Variants in CTNNA3 observed in about 807,000 individuals in gnomAD.
CTNNA3 encodes catenin alpha-3.
In CTNNA3, 76 loss-of-function variants were observed where a neutral mutation model predicts 95.7. The observed-to-expected ratio is 0.79, with a 90% CI of 0.66 to 0.96. CTNNA3 has a LOEUF of 0.96. Ranked by LOEUF, CTNNA3 falls within the 40% of genes least tolerant of loss-of-function variation. CTNNA3 has a pLI of 0.00. For synonymous variants in CTNNA3, 431 were observed against 374.4 expected (o/e 1.15, Z -1.74); for missense variants, 1,191 against 1,089.8 (o/e 1.09, Z -1.31).
At chr10:66,716,696 C>A (rs557053789) in intron 9 of CTNNA3, among the ~76,000 whole-genome samples, 2 of 152,250 alleles carry the variant, frequency 1.3e-5, no homozygotes, top group African/African-American at 2.4e-5. Context: ...TTTCCTGGAT[C>A]TAAGCATGGC....
At chr10:67,070,460 T>C (rs1228173533) in intron 7 of CTNNA3, among the ~76,000 whole-genome samples, 4 of 152,132 alleles carry the variant, frequency 2.6e-5, no homozygotes, top group Non-Finnish European at 5.9e-5. Flanking sequence ...GATTAAGAAA[T>C]CCTTGTGGCG....
At chr10:66,058,164 G>T (rs1307798636) in intron 15 of CTNNA3, among the ~76,000 whole-genome samples, 1 of 152,034 alleles carries the variant, frequency 6.6e-6, no homozygotes, top group Non-Finnish European at 1.5e-5. Flanking sequence ...CTTATTTAAT[G>T]AACAAAAAGA....
At chr10:66,045,404 C>T (rs895167094) in intron 15 of CTNNA3, among the ~76,000 whole-genome samples, 1 of 152,190 alleles carries the variant, frequency 6.6e-6, no homozygotes, top group Non-Finnish European at 1.5e-5. Context: ...AGACTACATC[C>T]TCTGCCCCTT....
At chr10:66,135,300 A>G (rs775255729) in intron 13 of CTNNA3, among the ~76,000 whole-genome samples, 1 of 152,162 alleles carries the variant, frequency 6.6e-6, no homozygotes, top group African/African-American at 2.4e-5. Flanking sequence ...TGAACGTTGA[A>G]TATTTTGTTG....
At chr10:66,876,218 A>G (rs1367665842) in intron 7 of CTNNA3, among the ~76,000 whole-genome samples, 1 of 152,156 alleles carries the variant, frequency 6.6e-6, no homozygotes, top group Non-Finnish European at 1.5e-5. Context: ...CGCTCTGAAA[A>G]CTTGTCGGAA....
rs946542182 is a variant in CTNNA3 at position 67,149,806 on chromosome 10, C to T, written c.1047+30511G>A. The stretch of plus-strand genomic sequence containing the variant: ...CAATATTCAAAGAATGCAGCTCCTG[C>T]GCCGATCAAACTCTCTTAGTCCAAT... On this transcript the variant is annotated intron_variant, in intron 7 of 17. Coordinates refer to ENST00000433211, the MANE Select transcript of CTNNA3 (RefSeq NM_013266.4). 7.5e-4 allele frequency among the ~76,000 whole-genome samples: 114 copies of T among 152,264 alleles called. 1 individual carries two copies. The highest frequency in any genetic ancestry group is 2.5e-3 in the African/African-American group (105 of 41,534).
intron 6 of CTNNA3, among the ~76,000 whole-genome samples, chr10:67,191,576 C>T (rs1381416774): frequency 1.3e-5 from 2 of 151,662 alleles, no homozygotes; most frequent in Non-Finnish European, 3.0e-5. Flanking sequence ...TTAAAAATTA[C>T]AAGGCATTGA....
intron 5 of CTNNA3, among the ~76,000 whole-genome samples, chr10:67,244,519 A>G (rs1865836530): frequency 6.6e-6 from 1 of 152,220 alleles, no homozygotes; most frequent in Non-Finnish European, 1.5e-5. Context: ...TTCAACAAGT[A>G]TTTATATAGT....
At chr10:67,335,158 C>G (rs1841948481) in intron 5 of CTNNA3, among the ~76,000 whole-genome samples, 1 of 152,050 alleles carries the variant, frequency 6.6e-6, no homozygotes, top group Non-Finnish European at 1.5e-5. Flanking sequence ...CCAGTTTCCT[C>G]CCGTATCCCA....
At chr10:67,555,874 T>C (rs1014757275) in intron 3 of CTNNA3, among the ~76,000 whole-genome samples, 4 of 152,230 alleles carry the variant, frequency 2.6e-5, no homozygotes, top group African/African-American at 7.2e-5. Context: ...CCATTCAGTA[T>C]GATATTGGCT....
chr10:66,239,356 G>C (rs1034914237), intron 13 of CTNNA3, among the ~76,000 whole-genome samples: 2 of 151,710 alleles, frequency 1.3e-5, no homozygotes, highest in Admixed American at 1.3e-4. Flanking sequence ...ATTGAAAAAA[G>C]CTAAGGTATG....
intron 14 of CTNNA3, among the ~76,000 whole-genome samples, chr10:66,102,255 C>T (rs2133740988): frequency 6.6e-6 from 1 of 152,214 alleles, no homozygotes; most frequent in African/African-American, 2.4e-5. Context: ...GATAATCCTA[C>T]TATTGTTGCT....
intron 13 of CTNNA3, among the ~76,000 whole-genome samples, chr10:66,254,055 T>A (rs2090663370): frequency 6.6e-6 from 1 of 152,196 alleles, no homozygotes; most frequent in South Asian, 2.1e-4. Flanking sequence ...AGATGCCTTC[T>A]CTGCTTTCCC....
chr10:67,529,210 GA>G (rs1405150513), intron 4 of CTNNA3, among the ~76,000 whole-genome samples: 1 of 151,852 alleles, frequency 6.6e-6, no homozygotes, highest in East Asian at 1.9e-4. Flanking sequence ...AAGTTAGATG[GA>G]AAAAAATCTG....
chr10:67,693,960 T>G (rs976620115), intron 1 of CTNNA3, among the ~76,000 whole-genome samples: 6 of 152,214 alleles, frequency 3.9e-5, no homozygotes, highest in Non-Finnish European at 4.4e-5. Flanking sequence ...TCTATCCCTT[T>G]TCTTTCTAGT....
chr10:67,062,328 C>CTT (rs981263815), intron 7 of CTNNA3, among the ~76,000 whole-genome samples: 1 of 152,160 alleles, frequency 6.6e-6, no homozygotes, highest in African/African-American at 2.4e-5. Context: ...AATGTCTTCT[C>CTT]TTCTGTACAT....
intron 7 of CTNNA3, among the ~76,000 whole-genome samples, chr10:66,815,181 C>G (rs1368202909): frequency 6.6e-6 from 1 of 152,112 alleles, no homozygotes; most frequent in Non-Finnish European, 1.5e-5. Context: ...GCAAAATCGT[C>G]ATAATTAACT....
At position 65,965,393 on chromosome 10, in the gene CTNNA3, C is replaced by CTTTTT. The variant is rs561552884; in HGVS notation, c.2400+1214_2400+1218dup. Among the ~76,000 whole-genome samples, 190 of 77,668 alleles carry CTTTTT rather than the reference C, an allele frequency of 2.4e-3. 13 individuals carry two copies. The highest frequency in any genetic ancestry group is 6.2e-3 in the African/African-American group (119 of 19,052). The allele number at this position is 77,668 out of a possible 152,430, so 51.0% of individuals were successfully genotyped here. ...GTCACTATTTGTTTCCTCCCCTCTACTTTTTTTTTTTTTTTTTTTTTTTTT... is the reference window on the plus strand; with the variant it reads ...GTCACTATTTGTTTCCTCCCCTCTACTTTTTTTTTTTTTTTTTTTTTTTTTTTTTT... On this transcript the variant is annotated intron_variant, in intron 17 of 17. Transcript: ENST00000433211.
At chr10:67,403,496 GTCC>G (rs1217875798) in intron 5 of CTNNA3, 1 of 152,482 alleles carries the variant, frequency 6.6e-6, no homozygotes, top group African/African-American at 2.4e-5. Context: ...TGCTGGGCAG[GTCC>G]TCCCAACCAG....
Sources: allele counts gnomAD v4.1 joint callset (sites outside exome capture counted in the v4.1 genomes callset), GRCh38; gene constraint gnomAD v4.1.1; transcripts MANE v1.5; gene names NCBI Gene and HGNC (gene_info 2026-07-23, HGNC 2026-07-21).